The following XYLT1 variants were observed in gnomAD, a reference collection of about 807,000 sequenced individuals.
XYLT1 encodes the protein xylosyltransferase 1.
A neutral mutation model predicts 91.3 loss-of-function variants in XYLT1; 36 were observed. That is an observed-to-expected ratio of 0.39 (90% CI 0.30 to 0.52). XYLT1 has a LOEUF of 0.52. XYLT1 is among the 20% of genes least tolerant of loss of function. The pLI, the probability that XYLT1 is intolerant of heterozygous loss-of-function variation, is 0.68. For synonymous variants in XYLT1, 588 were observed against 532.0 expected, an observed-to-expected ratio of 1.11 and a Z score of -1.45; for missense variants, 1,242 against 1,284.5, an observed-to-expected ratio of 0.97 and a Z score of 0.51.
At chr16:17,249,753 T>G (rs4780705) in intron 3 of XYLT1, 1 of 151,986 alleles carries the variant, frequency 6.6e-6, no homozygotes, top group East Asian at 1.9e-4. Context: ...ACTGCAACCT[T>G]GACCTCCCGG....
rs558975939 is a variant in XYLT1 at position 17,363,454 on chromosome 16, A to G, written c.364-5404T>C. On this transcript the variant is annotated intron_variant, in intron 1 of 11. Transcript: ENST00000261381. ...GCTTCTGAGGTCTGATTCTCCTCCT[A>G]GCCTGTAGAGATGGTGGCCTTCTCA... Among the ~76,000 whole-genome samples, 83 of 152,288 alleles carry G rather than the reference A, an allele frequency of 5.5e-4. 2 individuals carry two copies. In the South Asian group the frequency reaches 0.016, roughly 29 times the overall value.
intron 5 of XYLT1, among the ~76,000 whole-genome samples, chr16:17,172,471 T>C (rs998638608): frequency 1.4e-4 from 20 of 144,694 alleles, no homozygotes; most frequent in African/African-American, 2.3e-4. Context: ...CATTTCTTTT[T>C]TTTTTTTTTT....
chr16:17,288,326 T>C (rs918678749), intron 2 of XYLT1, among the ~76,000 whole-genome samples: 3 of 151,526 alleles, frequency 2.0e-5, no homozygotes, highest in Non-Finnish European at 4.4e-5. Flanking sequence ...ACAAGATAAA[T>C]CAATTGCCAG....
At chr16:17,159,306 C>T (rs2031492270) in intron 5 of XYLT1, among the ~76,000 whole-genome samples, 1 of 152,170 alleles carries the variant, frequency 6.6e-6, no homozygotes, top group South Asian at 2.1e-4. Flanking sequence ...GTATTGCTGG[C>T]TTGGCTTTGT....
intron 3 of XYLT1, among the ~76,000 whole-genome samples, chr16:17,218,956 C>T (rs184335242): frequency 6.6e-6 from 1 of 152,260 alleles, no homozygotes; most frequent in African/African-American, 2.4e-5. Context: ...GGGAAGACAG[C>T]AGTGGACAGG....
intron 1 of XYLT1, among the ~76,000 whole-genome samples, chr16:17,381,512 C>T (rs1186004664): frequency 2.0e-5 from 3 of 151,054 alleles, no homozygotes; most frequent in Non-Finnish European, 4.4e-5. Flanking sequence ...TCACTGCAAC[C>T]TCTGCCTCCC....
intron 5 of XYLT1, among the ~76,000 whole-genome samples, chr16:17,195,316 C>T (rs2032402103): frequency 6.6e-6 from 1 of 152,136 alleles, no homozygotes; most frequent in Admixed American, 6.5e-5. Context: ...TATTTCCCTC[C>T]CAATGGATCC....
intron 10 of XYLT1, among the ~76,000 whole-genome samples, chr16:17,124,962 G>A (rs1419124279): frequency 6.6e-6 from 1 of 151,974 alleles, no homozygotes; most frequent in African/African-American, 2.4e-5. Flanking sequence ...GTTCTATTTA[G>A]GCTATATTTC....
intron 3 of XYLT1, among the ~76,000 whole-genome samples, chr16:17,203,517 C>T (rs59572550): frequency 6.6e-6 from 1 of 151,918 alleles, no homozygotes; most frequent in East Asian, 1.9e-4. Flanking sequence ...CACCCATCCA[C>T]CCATTCATCC....
intron 2 of XYLT1, among the ~76,000 whole-genome samples, chr16:17,347,216 G>T (rs1176976457): frequency 6.6e-6 from 1 of 152,176 alleles, no homozygotes; most frequent in East Asian, 1.9e-4. Context: ...GTGATTTTGT[G>T]AAGGCCTTGC....
chr16:17,187,566 CAA>C (rs57130941), intron 5 of XYLT1, among the ~76,000 whole-genome samples: 2 of 57,238 alleles, frequency 3.5e-5, no homozygotes, highest in Admixed American at 2.5e-4. Flanking sequence ...AACGCTGTCT[CAA>C]AAAAAAAAAA....
chr16:17,198,475 C>A (rs2032475161), intron 4 of XYLT1, 61 bp from the exon 5 acceptor site: 1 of 1,523,458 alleles, frequency 6.6e-7, no homozygotes, highest in Non-Finnish European at 8.9e-7. Context: ...CAGGCATGCC[C>A]CTCACCCCTG....
chr16:17,460,843 C>A (rs889625762), intron 1 of XYLT1, among the ~76,000 whole-genome samples: 1 of 152,206 alleles, frequency 6.6e-6, no homozygotes, highest in Admixed American at 6.5e-5. Flanking sequence ...ATCAAACCCA[C>A]CCACGGGCCA....
intron 10 of XYLT1, among the ~76,000 whole-genome samples, chr16:17,123,420 T>C (rs1380903616): frequency 6.6e-6 from 1 of 152,214 alleles, no homozygotes; most frequent in Non-Finnish European, 1.5e-5. Flanking sequence ...CTGGCTTTGC[T>C]GTATCCCAGA....
intron 1 of XYLT1, among the ~76,000 whole-genome samples, chr16:17,421,948 C>T (rs2036256013): frequency 6.6e-6 from 1 of 152,060 alleles, no homozygotes; most frequent in Admixed American, 6.6e-5. Context: ...AGCAATGTTC[C>T]CACCTAAGCC....
intron 1 of XYLT1, among the ~76,000 whole-genome samples, chr16:17,406,236 T>C (rs1205114631): frequency 6.6e-6 from 1 of 152,190 alleles, no homozygotes; most frequent in Admixed American, 6.5e-5. Flanking sequence ...ATTCAACAAA[T>C]ATTACTGAGC....
At chr16:17,167,219 G>A (rs1261994234) in intron 5 of XYLT1, among the ~76,000 whole-genome samples, 1 of 152,258 alleles carries the variant, frequency 6.6e-6, no homozygotes, top group Non-Finnish European at 1.5e-5. Flanking sequence ...CATTTCTGTA[G>A]ACAGAGGCAG....
intron 3 of XYLT1, among the ~76,000 whole-genome samples, chr16:17,233,777 G>C (rs2033204050): frequency 6.6e-6 from 1 of 152,200 alleles, no homozygotes; most frequent in South Asian, 2.1e-4. Context: ...AGCTAAGTGA[G>C]TGGCAGCTTC....
intron 8 of XYLT1, 58 bp downstream of exon 8, chr16:17,138,297 C>T (rs2030835066): frequency 6.3e-6 from 10 of 1,581,466 alleles, no homozygotes; most frequent in African/African-American, 2.7e-5. Flanking sequence ...TGGATTTCTG[C>T]AGAGGTTTGT....
Sources: allele counts gnomAD v4.1 joint callset (sites outside exome capture counted in the v4.1 genomes callset), GRCh38; gene constraint gnomAD v4.1.1; transcripts MANE v1.5; gene names NCBI Gene and HGNC (gene_info 2026-07-23, HGNC 2026-07-21).